BTRC: variants seen among roughly 807,000 people sequenced by gnomAD.
The protein encoded by BTRC is F-box/WD repeat-containing protein 1A.
BTRC carries 42 observed loss-of-function variants against 85.5 expected under a neutral mutation model. The ratio of observed to expected loss-of-function variants is 0.49; its 90% CI spans 0.38 to 0.64. BTRC has a LOEUF of 0.64. Ranked by LOEUF, BTRC falls within the 30% of genes least tolerant of loss-of-function variation. The probability of loss-of-function intolerance (pLI) is 0.00; values close to 1 mark genes in which losing one functional copy is unlikely to be tolerated. For synonymous variants in BTRC, 255 were observed against 263.3 expected (o/e 0.97, Z 0.30); for missense variants, 594 against 743.5 (o/e 0.80, Z 2.34).
At chr10:101,391,666 C>T (rs1178492568) in intron 1 of BTRC, among the ~76,000 whole-genome samples, 1 of 152,262 alleles carries the variant, frequency 6.6e-6, no homozygotes, top group African/African-American at 2.4e-5. Flanking sequence ...AGAACAGTAG[C>T]CTCCTAACCC....
intron 13 of BTRC, 67 bp from the exon 14 acceptor site, chr10:101,550,632 G>C: frequency 6.6e-7 from 1 of 1,515,448 alleles, no homozygotes; most frequent in Non-Finnish European, 9.1e-7. Flanking sequence ...TTGACATGTT[G>C]CTGAATTTGT....
At chr10:101,481,791 G>C (rs535685382) in intron 4 of BTRC, among the ~76,000 whole-genome samples, 3 of 151,810 alleles carry the variant, frequency 2.0e-5, no homozygotes, top group Non-Finnish European at 4.4e-5. Context: ...ATATCCTTTC[G>C]TCATCCTCTT....
intron 4 of BTRC, among the ~76,000 whole-genome samples, chr10:101,514,409 C>T (rs1335519164): frequency 6.6e-6 from 1 of 151,146 alleles, no homozygotes; most frequent in Admixed American, 6.6e-5. Context: ...TAGGAACAGA[C>T]TTCATTTCCT....
intron 1 of BTRC, among the ~76,000 whole-genome samples, chr10:101,395,113 A>G (rs149448564): frequency 2.6e-5 from 4 of 152,282 alleles, no homozygotes; most frequent in African/African-American, 4.8e-5. Flanking sequence ...TGTAGAAGTC[A>G]TTATCACTAG....
chr10:101,491,064 A>G (rs1391972383), intron 4 of BTRC, among the ~76,000 whole-genome samples: 1 of 152,014 alleles, frequency 6.6e-6, no homozygotes, highest in Non-Finnish European at 1.5e-5. Context: ...GTCTCAAAAA[A>G]AAAAAAAAAC....
chr10:101,482,830 G>A (rs1589530976), intron 4 of BTRC, among the ~76,000 whole-genome samples: 1 of 152,200 alleles, frequency 6.6e-6, no homozygotes, highest in Non-Finnish European at 1.5e-5. Flanking sequence ...CTGCTGCATT[G>A]ATATGGCTGC....
intron 1 of BTRC, among the ~76,000 whole-genome samples, chr10:101,412,907 A>G (rs1452099699): frequency 6.6e-6 from 1 of 152,236 alleles, no homozygotes; most frequent in Non-Finnish European, 1.5e-5. Flanking sequence ...TAGATAATCA[A>G]AAGTGGAAAT....
At chr10:101,442,363 A>T (rs1394243687) in intron 2 of BTRC, among the ~76,000 whole-genome samples, 1 of 151,574 alleles carries the variant, frequency 6.6e-6, no homozygotes, top group Non-Finnish European at 1.5e-5. Flanking sequence ...TATGAGAGAC[A>T]TGACTGATGG....
At chr10:101,460,004 T>C (rs1945182259) in intron 2 of BTRC, among the ~76,000 whole-genome samples, 1 of 152,206 alleles carries the variant, frequency 6.6e-6, no homozygotes, top group Non-Finnish European at 1.5e-5. Flanking sequence ...CTCCAAGTTA[T>C]ATGATAACAT....
intron 3 of BTRC, among the ~76,000 whole-genome samples, chr10:101,462,607 A>G (rs1217310394): frequency 1.3e-5 from 2 of 150,206 alleles, no homozygotes; most frequent in African/African-American, 4.9e-5. Flanking sequence ...TGAACCCCAG[A>G]GGCAGAGGTT....
chr10:101,543,971 G>A (rs796384989), intron 13 of BTRC, among the ~76,000 whole-genome samples: 41 of 152,176 alleles, frequency 2.7e-4, no homozygotes, highest in African/African-American at 9.2e-4. Context: ...GTGCACTGGC[G>A]TGATCTTGGC....
At chr10:101,442,059 GAAGCCAGAA>G in intron 2 of BTRC, among the ~76,000 whole-genome samples, 1 of 152,070 alleles carries the variant, frequency 6.6e-6, no homozygotes, top group Non-Finnish European at 1.5e-5. Context: ...TCTTTTCTTT[GAAGCCAGAA>G]AAGCATAGAA....
chr10:101,369,357 G>T (rs1459114391), intron 1 of BTRC, among the ~76,000 whole-genome samples: 1 of 151,988 alleles, frequency 6.6e-6, no homozygotes, highest in African/African-American at 2.4e-5. Flanking sequence ...GTGCTGAGAG[G>T]CATGAGCCTC....
chr10:101,368,017 A>G (rs1325769899), intron 1 of BTRC, among the ~76,000 whole-genome samples: 1 of 152,152 alleles, frequency 6.6e-6, no homozygotes, highest in Non-Finnish European at 1.5e-5. Flanking sequence ...CTATGGTTTG[A>G]ATATAGCTTG....
intron 1 of BTRC, among the ~76,000 whole-genome samples, chr10:101,356,587 A>G (rs373660592): frequency 2.0e-4 from 31 of 152,082 alleles, no homozygotes; most frequent in African/African-American, 7.2e-4. Flanking sequence ...GGAGAAGCCA[A>G]TTTTTTCTTT....
intron 4 of BTRC, among the ~76,000 whole-genome samples, chr10:101,500,331 A>G (rs1946371473): frequency 6.6e-6 from 1 of 152,158 alleles, no homozygotes. Context: ...ATTTCTAAAC[A>G]TAGAAAAGGT....
At chr10:101,391,928 C>T (rs1287018082) in intron 1 of BTRC, among the ~76,000 whole-genome samples, 2 of 151,944 alleles carry the variant, frequency 1.3e-5, no homozygotes, top group Non-Finnish European at 2.9e-5. Flanking sequence ...TAATGAAGGG[C>T]TTGTGCAAAG....
chr10:101,501,725 A>G (rs930854893), intron 4 of BTRC, among the ~76,000 whole-genome samples: 38 of 152,232 alleles, frequency 2.5e-4, no homozygotes, highest in African/African-American at 8.2e-4. Context: ...GTAGTAAACC[A>G]GAAAATGTCT....
intron 1 of BTRC, among the ~76,000 whole-genome samples, chr10:101,395,972 G>C (rs530369873): frequency 6.6e-6 from 1 of 151,936 alleles, no homozygotes; most frequent in Non-Finnish European, 1.5e-5. Flanking sequence ...ATGGGAGAAG[G>C]TTTTGTATTT....
Sources: allele counts gnomAD v4.1 joint callset (sites outside exome capture counted in the v4.1 genomes callset), GRCh38; gene constraint gnomAD v4.1.1; transcripts MANE v1.5; gene names NCBI Gene and HGNC (gene_info 2026-07-23, HGNC 2026-07-21).